Variants in CCDC149 observed in about 807,000 individuals in gnomAD.
The protein encoded by CCDC149 is coiled-coil domain containing 149, also known as coiled-coil domain-containing protein 149.
CCDC149 carries 45 observed loss-of-function variants against 59.9 expected under a neutral mutation model. The observed-to-expected ratio is 0.75, with a 90% CI of 0.59 to 0.96. The LOEUF is 0.96. CCDC149 is among the 40% of genes least tolerant of loss of function. The pLI is 0.00. For synonymous variants in CCDC149, 245 were observed against 260.6 expected, an observed-to-expected ratio of 0.94 and a Z score of 0.58; for missense variants, 584 against 664.7, an observed-to-expected ratio of 0.88 and a Z score of 1.33.
chr4:24,870,923 T>C (rs1355463440), intron 3 of CCDC149, among the ~76,000 whole-genome samples: 1 of 151,452 alleles, frequency 6.6e-6, no homozygotes, highest in Non-Finnish European at 1.5e-5. Context: ...CGGGTGCCTG[T>C]AGTCCCAGCA....
intron 1 of CCDC149, among the ~76,000 whole-genome samples, chr4:24,977,567 G>A (rs1262629733): frequency 6.6e-6 from 1 of 152,098 alleles, no homozygotes; most frequent in African/African-American, 2.4e-5. Flanking sequence ...ACCAGATGTT[G>A]AAGATGATAA....
chr4:24,832,247 G>A (rs1477409049), intron 8 of CCDC149, among the ~76,000 whole-genome samples: 1 of 152,212 alleles, frequency 6.6e-6, no homozygotes, highest in African/African-American at 2.4e-5. Context: ...TTTCACAGGT[G>A]CTACCACTTA....
At chr4:24,966,648 C>T (rs566551111) in intron 1 of CCDC149, among the ~76,000 whole-genome samples, 1 of 152,300 alleles carries the variant, frequency 6.6e-6, no homozygotes, top group Non-Finnish European at 1.5e-5. Context: ...AAGAGAAAAT[C>T]GGTAAGCAGT....
Position 24,807,770 on chromosome 4 carries a change from C to T in CCDC149, c.*619G>A, listed in dbSNP as rs1339814135. On this transcript the variant is annotated 3_prime_UTR_variant, in exon 13 of 13. Transcript: ENST00000635206. ...CCTCAACCGGGGCTGTGGATTTCAACCCAGAAGCCCAAACTTCTCAGCCGG... is the reference window on the plus strand; with the variant it reads ...CCTCAACCGGGGCTGTGGATTTCAATCCAGAAGCCCAAACTTCTCAGCCGG... The T allele has an allele frequency of 2.0e-5, 3 of 152,292 alleles. No individual in the cohort carries two copies. Among genetic ancestry groups the T allele is most frequent in the Non-Finnish European group, 4.4e-5 (3 of 68,108 alleles). The allele number at this position is 152,292 out of a possible 1,614,324, so 9.4% of individuals were successfully genotyped here.
At chr4:24,971,047 G>C (rs147677938) in intron 1 of CCDC149, among the ~76,000 whole-genome samples, 1 of 152,318 alleles carries the variant, frequency 6.6e-6, no homozygotes, top group South Asian at 2.1e-4. Flanking sequence ...TGCCCAAGGA[G>C]GCACCTGTGC....
intron 1 of CCDC149, among the ~76,000 whole-genome samples, chr4:24,885,476 T>C (rs767283626): frequency 6.6e-6 from 1 of 152,194 alleles, no homozygotes; most frequent in Non-Finnish European, 1.5e-5. Flanking sequence ...GTGATCACGG[T>C]GTCTAATGCA....
intron 1 of CCDC149, among the ~76,000 whole-genome samples, chr4:24,971,574 C>T (rs1334449046): frequency 3.9e-5 from 6 of 152,208 alleles, no homozygotes; most frequent in Non-Finnish European, 8.8e-5. Context: ...GCTGTACGTT[C>T]GGCTCGCTCC....
At chr4:24,957,454 G>A (rs138134912) in intron 1 of CCDC149, among the ~76,000 whole-genome samples, 33 of 152,296 alleles carry the variant, frequency 2.2e-4, no homozygotes, top group African/African-American at 7.7e-4. Flanking sequence ...TGATATGAAG[G>A]TGTTGGCCTA....
intron 3 of CCDC149, among the ~76,000 whole-genome samples, chr4:24,861,405 GT>G (rs1206418701): frequency 6.6e-6 from 1 of 152,058 alleles, no homozygotes; most frequent in Non-Finnish European, 1.5e-5. Flanking sequence ...AACATTTTAA[GT>G]TCTCACTGAT....
At chr4:24,971,105 A>G (rs1343348015) in intron 1 of CCDC149, among the ~76,000 whole-genome samples, 2 of 152,236 alleles carry the variant, frequency 1.3e-5, no homozygotes, top group African/African-American at 4.8e-5. Context: ...AATTGGCAGA[A>G]TATAACAGCA....
At chr4:24,809,453 G>C (rs1173288218) in intron 12 of CCDC149, among the ~76,000 whole-genome samples, 2 of 152,206 alleles carry the variant, frequency 1.3e-5, no homozygotes, top group African/African-American at 4.8e-5. Flanking sequence ...GGGAGAGAAG[G>C]GGGAGCCCTT....
chr4:24,808,486 G>T lies in CCDC149; in HGVS notation c.1526C>A (p.Ser509Tyr), dbSNP rs1397812079. 2 of 1,486,314 alleles carry T rather than the reference G, an allele frequency of 1.3e-6. No homozygotes were observed. Among genetic ancestry groups the T allele is most frequent in the Admixed American group, 5.1e-5 (2 of 39,190 alleles). The allele number at this position is 1,486,314 out of a possible 1,614,324, so 92.1% of individuals were successfully genotyped here. ...GGCTGCTGGCCGGCTGGCCTCGAAG[G>T]AGTCCAGGTGAGATTTAGGGAGCTC... is the stretch of plus-strand genomic sequence containing the variant. The change falls in exon 13 of 13, where the codon TCC becomes TAC. Residue 509 changes from serine to tyrosine, a missense_variant. By Grantham distance (144) the Ser-to-Tyr change is moderately radical. Transcript: ENST00000635206.
Position 24,808,782 on chromosome 4 carries a change from G to T in CCDC149, c.1230C>A (p.Ala410=). The change falls in exon 13 of 13, where the codon GCC becomes GCA. Residue 410 remains alanine (A), a synonymous_variant. Coordinates refer to ENST00000635206, the MANE Select transcript of CCDC149 (RefSeq NM_001330643.2). ...CAGGCGCTGTCAACGCCTCAGCAGCGGCACAACTTTCATCTTCTTCTTGCT... is the reference window on the plus strand; with the variant it reads ...CAGGCGCTGTCAACGCCTCAGCAGCTGCACAACTTTCATCTTCTTCTTGCT... 1.9e-6 allele frequency: 3 copies of T among 1,550,858 alleles called. No individual in the cohort carries two copies. The highest frequency in any genetic ancestry group is 1.7e-6 in the Non-Finnish European group (2 of 1,146,748).
At chr4:24,870,633 G>T (rs1718984123) in intron 3 of CCDC149, among the ~76,000 whole-genome samples, 1 of 152,158 alleles carries the variant, frequency 6.6e-6, no homozygotes, top group African/African-American at 2.4e-5. Flanking sequence ...GACTTACTGG[G>T]ATTGATCAGA....
chr4:24,825,695 C>G (rs1715687907), intron 9 of CCDC149, among the ~76,000 whole-genome samples: 1 of 151,626 alleles, frequency 6.6e-6, no homozygotes, highest in African/African-American at 2.4e-5. Flanking sequence ...ATGGCGTGAA[C>G]CCAGGAGGCA....
intron 1 of CCDC149, among the ~76,000 whole-genome samples, chr4:24,938,048 G>A (rs942892742): frequency 3.9e-5 from 6 of 152,140 alleles, no homozygotes; most frequent in African/African-American, 1.4e-4. Context: ...GGAGCACAGA[G>A]CATATGCTTG....
At chr4:24,864,809 T>A (rs1718599361) in intron 3 of CCDC149, among the ~76,000 whole-genome samples, 1 of 152,182 alleles carries the variant, frequency 6.6e-6, no homozygotes, top group African/African-American at 2.4e-5. Flanking sequence ...CACTTATGTG[T>A]GCATTTTTTT....
chr4:24,901,093 G>A (rs1721142073), intron 1 of CCDC149, among the ~76,000 whole-genome samples: 1 of 152,230 alleles, frequency 6.6e-6, no homozygotes, highest in Admixed American at 6.5e-5. Context: ...CTGACTTGAA[G>A]AAAATATGAT....
At chr4:24,963,486 C>A (rs1261640847) in intron 1 of CCDC149, among the ~76,000 whole-genome samples, 1 of 152,140 alleles carries the variant, frequency 6.6e-6, no homozygotes, top group Non-Finnish European at 1.5e-5. Flanking sequence ...AGGTGAGCCT[C>A]CACCCTCACC....
Sources: gnomAD v4.1 joint callset for allele counts (sites outside exome capture counted in the v4.1 genomes callset) on GRCh38, gnomAD v4.1.1 for gene constraint, MANE v1.5 for transcripts, NCBI Gene and HGNC (gene_info 2026-07-23, HGNC 2026-07-21) for gene names.